LIPE: variants seen among roughly 807,000 people sequenced by gnomAD.
LIPE encodes lipase E, hormone sensitive type.
LIPE carries 66 observed loss-of-function variants against 88.5 expected under a neutral mutation model. The observed-to-expected ratio is 0.75, with a 90% CI of 0.61 to 0.91. The LOEUF is 0.91. LIPE is among the 40% of genes least tolerant of loss of function. The probability of loss-of-function intolerance (pLI) is 0.00; values close to 1 mark genes in which losing one functional copy is unlikely to be tolerated. For synonymous variants in LIPE, 570 were observed against 617.5 expected (o/e 0.92, Z 1.14); for missense variants, 1,346 against 1,434.7 (o/e 0.94, Z 1.00).
chr19:42,425,825 T>C (rs1444007379), intron 1 of LIPE, among the ~76,000 whole-genome samples: 1 of 151,982 alleles, frequency 6.6e-6, no homozygotes, highest in Non-Finnish European at 1.5e-5. Flanking sequence ...TTTTTTGAGA[T>C]GGAGTCTTAC....
chr19:42,418,852 G>A (rs1481806617), intron 1 of LIPE, among the ~76,000 whole-genome samples: 2 of 152,128 alleles, frequency 1.3e-5, no homozygotes, highest in Non-Finnish European at 2.9e-5. Context: ...TTTGCTCTCT[G>A]ATTCCCTCAC....
rs377088082 is a variant in LIPE, at chr19:42,407,579, T to C, written c.1842+27A>G. 121 of 1,591,538 alleles carry C rather than the reference T, an allele frequency of 7.6e-5. No homozygotes were observed. The African/African-American group carries it at 1.6e-3, about 21-fold the overall frequency. The stretch of plus-strand genomic sequence containing the variant: ...TGCCCACGCTCCTCGGCTCTGTCCC[T>C]GTCCCTGGCTGAGGCTGGAACCCTA... On this transcript the variant is annotated intron_variant, in intron 5 of 9. Transcript: ENST00000244289. This position sits in a 1 kb window ranked among gnomAD's most constrained non-coding sequence, Gnocchi z 5.8.
rs1383014410 is a variant in LIPE at position 42,419,394 on chromosome 19, G to A, written c.883+6873C>T. ...GGACCCAGGCCCTAGGGACTCCAGAGCTCTGCCCTTTGTCCTGTTCCAGGC... is the reference window on the plus strand; with the variant it reads ...GGACCCAGGCCCTAGGGACTCCAGAACTCTGCCCTTTGTCCTGTTCCAGGC... On this transcript the variant is annotated intron_variant, in intron 1 of 9. Coordinates refer to ENST00000244289, the MANE Select transcript of LIPE (RefSeq NM_005357.4). 5.3e-5 allele frequency among the ~76,000 whole-genome samples: 8 copies of A among 152,374 alleles called. No individual in the cohort carries two copies. In the East Asian group the frequency reaches 1.5e-3, roughly 29 times the overall value.
At chr19:42,411,724 C>G (rs1206354997) in intron 1 of LIPE, among the ~76,000 whole-genome samples, 1 of 152,218 alleles carries the variant, frequency 6.6e-6, no homozygotes, top group African/African-American at 2.4e-5. Context: ...GTGGGGTCCC[C>G]TGGCCTTCAG....
At chr19:42,422,565 C>T (rs532382409) in intron 1 of LIPE, among the ~76,000 whole-genome samples, 8 of 152,236 alleles carry the variant, frequency 5.3e-5, no homozygotes, top group Admixed American at 3.3e-4. Context: ...TTTGGGGTCC[C>T]TGGGGCTGAG....
chr19:42,415,460 A>C (rs1010771760), intron 1 of LIPE, among the ~76,000 whole-genome samples: 6 of 152,274 alleles, frequency 3.9e-5, no homozygotes, highest in Admixed American at 3.3e-4. Flanking sequence ...TGCAAAGGAA[A>C]AATTCATGAA....
intron 1 of LIPE, chr19:42,424,530 C>A: frequency 2.2e-6 from 1 of 456,336 alleles, no homozygotes; most frequent in South Asian, 1.5e-5. Flanking sequence ...TCAATCCCTG[C>A]CTTTGCCTGC....
chr19:42,426,205 A>G lies in LIPE; in HGVS notation c.883+62T>C, dbSNP rs555222729. On this transcript the variant is annotated intron_variant, in intron 1 of 9. Transcript: ENST00000244289. ...ACCTGATACACCGTAAGTTTTTAGT[A>G]TTTTTTAAGTAAATGAATGACTGTC... 87 of 1,482,154 alleles carry G rather than the reference A, an allele frequency of 5.9e-5. No homozygotes were observed. In the African/African-American group the frequency reaches 1.1e-3, roughly 18 times the overall value. The allele number at this position is 1,482,154 out of a possible 1,614,324, so 91.8% of individuals were successfully genotyped here.
intron 1 of LIPE, among the ~76,000 whole-genome samples, chr19:42,412,915 A>T (rs1417451554): frequency 6.6e-6 from 1 of 152,202 alleles, no homozygotes; most frequent in Non-Finnish European, 1.5e-5. Flanking sequence ...AAGCCGATTA[A>T]GGGCAGTGCC....
chr19:42,409,000 G>A lies in LIPE; in HGVS notation c.1420-678C>T, dbSNP rs35707383. 1.3e-5 allele frequency among the ~76,000 whole-genome samples: 2 copies of A among 151,972 alleles called. No homozygotes were observed. Among genetic ancestry groups the A allele is most frequent in the Non-Finnish European group, 2.9e-5 (2 of 68,000 alleles). Reference sequence around the variant, plus strand: ...GGAATTTGGATTTCATTCCCAGTGCGGGGTGGTGCCACTGGTAGGCTGTGA... The same window carrying A: ...GGAATTTGGATTTCATTCCCAGTGCAGGGTGGTGCCACTGGTAGGCTGTGA... On this transcript the variant is annotated intron_variant, in intron 2 of 9. Transcript: ENST00000244289. The surrounding 1 kb of genome is among the most constrained non-coding windows in gnomAD (Gnocchi z 4.3).
chr19:42,426,832 G>A lies in LIPE; in HGVS notation c.318C>T (p.Leu106=), dbSNP rs747070778. 8 of 1,614,140 alleles carry A rather than the reference G, an allele frequency of 5.0e-6. No individual in the cohort carries two copies. The highest frequency in any genetic ancestry group is 1.6e-4 in the Middle Eastern group (1 of 6,062). The change falls in exon 1 of 10, where the codon CTC becomes CTT. Residue 106 remains leucine, a synonymous_variant. Transcript: ENST00000244289. ...GCTGGGAGGCAGCTTCCTGTTGAGT[G>A]AGCAGCACCCTTTGGATGTAAGGTG... ...QQSPYIQRVL[L]TQQEAASQQG...
intron 7 of LIPE, chr19:42,405,863 G>C (rs922419276): frequency 6.4e-5 from 35 of 542,854 alleles, no homozygotes; most frequent in East Asian, 3.1e-5. Context: ...GGGAAGCTGA[G>C]GCAGGATGAT....
chr19:42,408,258 T>C lies in LIPE; in HGVS notation c.1484A>G (p.His495Arg), dbSNP rs1179080730. Residue 495 changes from histidine to arginine, a missense_variant, in exon 3 of 10, where the codon CAC becomes CGC. Transcript: ENST00000244289. This position sits in a 1 kb window ranked among gnomAD's most constrained non-coding sequence, Gnocchi z 4.3. Reference sequence around the variant, plus strand: ...GAGGCCTGTCTCGTTGCGTTTGTAGTGCTCCCCGAAGGACACCAGCCCAAT... The same window carrying C: ...GAGGCCTGTCTCGTTGCGTTTGTAGCGCTCCCCGAAGGACACCAGCCCAAT... ...ISIGLVSFGE[H>R]YKRNETGLSV... 7 of 1,613,976 alleles carry C rather than the reference T, an allele frequency of 4.3e-6. No individual in the cohort carries two copies. The highest frequency in any genetic ancestry group is 1.7e-5 in the Admixed American group (1 of 59,996).
intron 1 of LIPE, among the ~76,000 whole-genome samples, chr19:42,419,888 C>T (rs1034763790): frequency 5.9e-5 from 9 of 151,894 alleles, no homozygotes; most frequent in South Asian, 2.1e-4. Context: ...TTTCTCTGTG[C>T]GTGTGTGTGT....
At chr19:42,402,526 G>T in intron 9 of LIPE, 81 bp downstream of exon 9, 1 of 1,286,828 alleles carries the variant, frequency 7.8e-7, no homozygotes, top group Non-Finnish European at 1.0e-6. Context: ...TTTCCCAGGT[G>T]TACCCGTGCC....
rs756064090 is a variant in LIPE at position 42,410,557 on chromosome 19, T to C, written c.1169A>G (p.Lys390Arg). Residue 390 changes from lysine (K) to arginine (R), a missense_variant, in exon 2 of 10, where the codon AAA (lysine) becomes AGA (arginine). Transcript: ENST00000244289. This position sits in a 1 kb window ranked among gnomAD's most constrained non-coding sequence, Gnocchi z 6.1. ...GCGGTTGGAGGCCACATAGCGGGAT[T>C]TGTGCAGGAGGTGCGCCAGGCAGCA... ...ARCCLAHLLHKSRYVASNRRS... is the reference protein window; with the variant it reads ...ARCCLAHLLHRSRYVASNRRS... 1.2e-6 allele frequency: 2 copies of C among 1,612,860 alleles called. No individual in the cohort carries two copies. The highest frequency in any genetic ancestry group is 4.5e-5 in the East Asian group (2 of 44,878).
chr19:42,409,686 T>G lies in LIPE; in HGVS notation c.1419+621A>C, dbSNP rs867324209. ...GAGGGCACCTGATGCCTGGCTATTG[T>G]GGCTGGGATGCTGGTTTGGGCAGCC... On this transcript the variant is annotated intron_variant, in intron 2 of 9. Coordinates refer to ENST00000244289, the MANE Select transcript of LIPE (RefSeq NM_005357.4). 2.6e-5 allele frequency among the ~76,000 whole-genome samples: 4 copies of G among 152,238 alleles called. No homozygotes were observed. The South Asian group carries it at 8.3e-4, about 31-fold the overall frequency.
At chr19:42,425,549 T>C (rs755975546) in intron 1 of LIPE, among the ~76,000 whole-genome samples, 20 of 152,140 alleles carry the variant, frequency 1.3e-4, no homozygotes, top group Non-Finnish European at 2.2e-4. Flanking sequence ...CGGTGGCTCA[T>C]GCCTGTAATC....
intron 8 of LIPE, among the ~76,000 whole-genome samples, chr19:42,403,241 ATGTGTGTGTGTG>A (rs56983822): frequency 0.02 from 1,834 of 91,976 alleles, 27 homozygotes; most frequent in Non-Finnish European, 0.024. Flanking sequence ...CTAGTGAAGG[ATGTGTGTGTGTG>A]TGTGTGTGTG....
Sources: allele counts gnomAD v4.1 joint callset (sites outside exome capture counted in the v4.1 genomes callset), GRCh38; gene constraint gnomAD v4.1.1; non-coding constraint Gnocchi (gnomAD v3.1); transcripts MANE v1.5; gene names NCBI Gene and HGNC (gene_info 2026-07-23, HGNC 2026-07-21).